The following CPNE8 variants were observed in gnomAD, a reference collection of about 807,000 sequenced individuals.
CPNE8 encodes copine-8.
In CPNE8, 45 loss-of-function variants were observed where a neutral mutation model predicts 81.5. That is an observed-to-expected ratio of 0.55 (90% CI 0.44 to 0.71). The LOEUF is 0.71. Ranked by LOEUF, CPNE8 falls within the 30% of genes least tolerant of loss-of-function variation. The pLI is 0.00. For missense variants in CPNE8, 594 were observed against 672.1 expected, an observed-to-expected ratio of 0.88 and a Z score of 1.28; for synonymous variants, 252 against 226.3, an observed-to-expected ratio of 1.11 and a Z score of -1.02.
intron 14 of CPNE8, among the ~76,000 whole-genome samples, chr12:38,694,929 T>C (rs1191975900): frequency 1.3e-5 from 2 of 152,216 alleles, no homozygotes; most frequent in East Asian, 1.9e-4. Flanking sequence ...CTTGGGTTAT[T>C]TGACAGGTAA....
At chr12:38,776,391 C>T (rs574906451) in intron 6 of CPNE8, 90 bp from the exon 7 acceptor site, 2 of 374,880 alleles carry the variant, frequency 5.3e-6, no homozygotes, top group South Asian at 8.4e-5. Flanking sequence ...TTTTTATGTA[C>T]TCTAATAAAG....
At chr12:38,737,140 AATT>A (rs1451398947) in intron 10 of CPNE8, among the ~76,000 whole-genome samples, 6 of 151,738 alleles carry the variant, frequency 4.0e-5, no homozygotes, top group African/African-American at 1.5e-4. Flanking sequence ...TAATAACAAT[AATT>A]ATCATTATTA....
intron 16 of CPNE8, among the ~76,000 whole-genome samples, chr12:38,680,507 C>T (rs1008312955): frequency 1.4e-4 from 21 of 151,890 alleles, no homozygotes; most frequent in African/African-American, 4.8e-4. Flanking sequence ...TGTGACTTTA[C>T]CTCTGTAGCA....
chr12:38,751,647 T>C (rs540832776), intron 10 of CPNE8, among the ~76,000 whole-genome samples: 71 of 152,282 alleles, frequency 4.7e-4, no homozygotes, highest in African/African-American at 1.2e-3. Flanking sequence ...CTTGAGTTCA[T>C]TTTCAGTGAT....
intron 6 of CPNE8, among the ~76,000 whole-genome samples, chr12:38,806,464 A>G (rs1942806508): frequency 2.7e-5 from 4 of 150,056 alleles, no homozygotes; most frequent in Admixed American, 2.7e-4. Context: ...AAATCAATAA[A>G]TGTAATCCAG....
intron 6 of CPNE8, among the ~76,000 whole-genome samples, chr12:38,803,827 C>A (rs1592106068): frequency 1.6e-5 from 1 of 62,394 alleles, no homozygotes. Context: ...GATACAAAAT[C>A]AATGTACAAA....
intron 6 of CPNE8, among the ~76,000 whole-genome samples, chr12:38,807,997 G>A (rs1270294233): frequency 5.9e-5 from 9 of 151,984 alleles, no homozygotes; most frequent in African/African-American, 9.6e-5. Flanking sequence ...AAAACACATG[G>A]AAAAATGCTC....
chr12:38,838,984 C>A (rs910062591), intron 5 of CPNE8, among the ~76,000 whole-genome samples: 1 of 152,116 alleles, frequency 6.6e-6, no homozygotes, highest in Non-Finnish European at 1.5e-5. Context: ...TCTAGTTTGA[C>A]AGCGTACAAC....
At chr12:38,835,479 T>G (rs1032167583) in intron 5 of CPNE8, among the ~76,000 whole-genome samples, 1 of 152,194 alleles carries the variant, frequency 6.6e-6, no homozygotes, top group Admixed American at 6.5e-5. Flanking sequence ...TTACCTCACC[T>G]CTTCAATTCC....
At chr12:38,704,831 T>C (rs1386590264) in intron 13 of CPNE8, among the ~76,000 whole-genome samples, 1 of 59,752 alleles carries the variant, frequency 1.7e-5, no homozygotes, top group Non-Finnish European at 5.6e-5. Context: ...TATGTGTATA[T>C]ATATATATAT....
At position 38,725,823 on chromosome 12, in the gene CPNE8, A is replaced by T. The variant is rs907908598; in HGVS notation, c.799-924T>A. Among the ~76,000 whole-genome samples the T allele has an allele frequency of 1.2e-4, 7 of 56,990 alleles. No homozygotes were observed. In the Admixed American group the frequency reaches 1.5e-3, roughly 12 times the overall value. The allele number at this position is 56,990 out of a possible 152,430, so 37.4% of individuals were successfully genotyped here. A position where few individuals can be genotyped will look rare whatever the true frequency, so the allele number is the denominator to read the frequency against. ...GTTAGGGAGATCCTTAATCTTGGCC[A>T]GGGAGTTTGGGTGTTAATTTAGTTG... On this transcript the variant is annotated intron_variant, in intron 11 of 19. Coordinates refer to ENST00000331366, the MANE Select transcript of CPNE8 (RefSeq NM_153634.3).
chr12:38,759,875 G>T (rs540413391), intron 10 of CPNE8, among the ~76,000 whole-genome samples: 2 of 152,334 alleles, frequency 1.3e-5, no homozygotes, highest in African/African-American at 4.8e-5. Context: ...CAGCAGAAGG[G>T]AAGAGAAGAG....
At chr12:38,733,217 C>T (rs1324016173) in intron 10 of CPNE8, among the ~76,000 whole-genome samples, 1 of 151,804 alleles carries the variant, frequency 6.6e-6, no homozygotes, top group East Asian at 1.9e-4. Context: ...TCTTTTAATA[C>T]ATGGATATTT....
At chr12:38,706,102 G>A (rs1050528997) in intron 13 of CPNE8, among the ~76,000 whole-genome samples, 6 of 152,108 alleles carry the variant, frequency 3.9e-5, no homozygotes, top group Admixed American at 3.9e-4. Context: ...AACAGCATTG[G>A]AATTTGAATT....
chr12:38,734,106 T>C (rs144994442), intron 10 of CPNE8, among the ~76,000 whole-genome samples: 6 of 152,098 alleles, frequency 3.9e-5, no homozygotes, highest in Non-Finnish European at 7.4e-5. Flanking sequence ...AACCCATCAA[T>C]TCATGTATTT....
chr12:38,857,915 G>T (rs752912903), intron 3 of CPNE8, among the ~76,000 whole-genome samples: 1 of 152,092 alleles, frequency 6.6e-6, no homozygotes, highest in East Asian at 1.9e-4. Flanking sequence ...TAAATAAGAG[G>T]CTTAATTCTC....
intron 13 of CPNE8, among the ~76,000 whole-genome samples, chr12:38,719,158 C>G (rs1394507606): frequency 1.3e-5 from 2 of 152,126 alleles, no homozygotes; most frequent in Non-Finnish European, 2.9e-5. Flanking sequence ...TATCCTTTTA[C>G]AAATGGACTT....
intron 6 of CPNE8, among the ~76,000 whole-genome samples, chr12:38,792,978 A>G (rs1193795971): frequency 1.3e-5 from 2 of 151,942 alleles, no homozygotes; most frequent in African/African-American, 4.8e-5. Flanking sequence ...ATAAAGAACA[A>G]AAAACTACAT....
intron 19 of CPNE8, among the ~76,000 whole-genome samples, chr12:38,658,103 A>T (rs767079423): frequency 1.4e-4 from 21 of 152,194 alleles, no homozygotes; most frequent in Non-Finnish European, 3.1e-4. Flanking sequence ...AACTTCTCCG[A>T]GTTAAAAAAG....
Sources: allele counts gnomAD v4.1 joint callset (sites outside exome capture counted in the v4.1 genomes callset), GRCh38; gene constraint gnomAD v4.1.1; transcripts MANE v1.5; gene names NCBI Gene and HGNC (gene_info 2026-07-23, HGNC 2026-07-21).